EMCN: variants seen among roughly 807,000 people sequenced by gnomAD.
The protein encoded by EMCN is endomucin.
In EMCN, 37 loss-of-function variants were observed where a neutral mutation model predicts 38.4. That is an observed-to-expected ratio of 0.96 (90% CI 0.74 to 1.27). The LOEUF is 1.27. Among genes scored for constraint, EMCN ranks in the 50% most tolerant of loss-of-function variants. EMCN has a pLI of 0.00. For synonymous variants in EMCN, 95 were observed against 100.8 expected (o/e 0.94, Z 0.35); for missense variants, 318 against 302.8 (o/e 1.05, Z -0.37).
chr4:100,459,854 A>G lies in EMCN; in HGVS notation c.376+5569T>C, dbSNP rs192694935. Among the ~76,000 whole-genome samples the G allele has an allele frequency of 3.0e-4, 45 of 152,282 alleles. No individual in the cohort carries two copies. The East Asian group carries it at 7.9e-3, about 27-fold the overall frequency. On this transcript the variant is annotated intron_variant, in intron 4 of 11. Coordinates refer to ENST00000296420, the MANE Select transcript of EMCN (RefSeq NM_016242.4). ...TAATGGACACTTAGGTTGATTCCAT[A>G]TCTTGTCTATTGTGAATATTGCTGT...
rs1560631485 is a variant in EMCN, at chr4:100,475,659, C to CTG, written c.188-551_188-550insCA. On this transcript the variant is annotated intron_variant, in intron 2 of 11. Transcript: ENST00000296420. ...TTGAGGGCAGTATCCAATTCTAGTC[C>CTG]TTTTTTTTTTTTTTTTTTTTTTTTT... Among the ~76,000 whole-genome samples, 19 of 60,318 alleles carry CTG rather than the reference C, an allele frequency of 3.1e-4. 3 individuals are homozygous for CTG. The highest frequency in any genetic ancestry group is 1.8e-3 in the East Asian group (2 of 1,082). The allele number at this position is 60,318 out of a possible 152,430, so 39.6% of individuals were successfully genotyped here.
chr4:100,490,681 G>A (rs1001138829), intron 1 of EMCN, among the ~76,000 whole-genome samples: 1 of 152,130 alleles, frequency 6.6e-6, no homozygotes, highest in African/African-American at 2.4e-5. Flanking sequence ...ATACCATAAG[G>A]CCTAGGTGTG....
At chr4:100,445,788 C>T (rs1302577754) in intron 5 of EMCN, among the ~76,000 whole-genome samples, 1 of 151,974 alleles carries the variant, frequency 6.6e-6, no homozygotes, top group African/African-American at 2.4e-5. Context: ...GATGGTGTTT[C>T]CTGATTTAGT....
intron 1 of EMCN, among the ~76,000 whole-genome samples, chr4:100,506,090 G>GT (rs1378529175): frequency 6.6e-6 from 1 of 152,038 alleles, no homozygotes; most frequent in Non-Finnish European, 1.5e-5. Flanking sequence ...TGGTTTCTAT[G>GT]TTTTTTAAAT....
At chr4:100,405,872 G>A (rs1726378087) in intron 11 of EMCN, among the ~76,000 whole-genome samples, 1 of 151,518 alleles carries the variant, frequency 6.6e-6, no homozygotes, top group Admixed American at 6.6e-5. Flanking sequence ...CTGGTTGGTA[G>A]GGTTTTTTTA....
In EMCN at chr4:100,398,200, A is replaced by G. The variant is rs2110201390; in HGVS notation, c.*213T>C. The G allele has an allele frequency of 6.6e-6, 1 of 152,222 alleles. No homozygotes were observed. Among genetic ancestry groups the G allele is most frequent in the African/African-American group, 2.4e-5 (1 of 41,552 alleles). 9.4% of individuals were successfully genotyped at this position (152,222 alleles called of 1,614,324 possible). On this transcript the variant is annotated 3_prime_UTR_variant, in exon 12 of 12. Transcript: ENST00000296420. ...GTAATGGAATTTTTAAATGTGAGAG[A>G]ACAGGAGAGCCCCGGGGTTCTTTTT...
At chr4:100,418,444 T>C (rs1194535683) in intron 8 of EMCN, among the ~76,000 whole-genome samples, 1 of 152,158 alleles carries the variant, frequency 6.6e-6, no homozygotes, top group Non-Finnish European at 1.5e-5. Flanking sequence ...ATCATTAAGT[T>C]TATTATTGAC....
At chr4:100,475,498 A>G (rs978790764) in intron 2 of EMCN, among the ~76,000 whole-genome samples, 2 of 150,814 alleles carry the variant, frequency 1.3e-5, no homozygotes, top group African/African-American at 2.4e-5. Context: ...TAGGAGTATC[A>G]TGCCTTTTTT....
At chr4:100,508,556 G>A (rs971880601) in intron 1 of EMCN, among the ~76,000 whole-genome samples, 1 of 152,088 alleles carries the variant, frequency 6.6e-6, no homozygotes, top group Non-Finnish European at 1.5e-5. Flanking sequence ...TTTTGCTTCT[G>A]CACAAGATTA....
chr4:100,441,978 GTTTATAC>G (rs1560616301), intron 5 of EMCN, among the ~76,000 whole-genome samples: 2 of 152,216 alleles, frequency 1.3e-5, no homozygotes, highest in African/African-American at 4.8e-5. Context: ...TCTTCAGTGA[GTTTATAC>G]TTTATAGATA....
At chr4:100,401,324 A>G (rs962795658) in intron 11 of EMCN, among the ~76,000 whole-genome samples, 9 of 152,204 alleles carry the variant, frequency 5.9e-5, no homozygotes, top group African/African-American at 2.2e-4. Context: ...TAGTATAACA[A>G]CTATTTATAT....
intron 1 of EMCN, among the ~76,000 whole-genome samples, chr4:100,500,206 G>A (rs913460892): frequency 6.6e-6 from 1 of 152,086 alleles, no homozygotes; most frequent in African/African-American, 2.4e-5. Flanking sequence ...AATACATTCA[G>A]TCTCTTTTAA....
intron 1 of EMCN, among the ~76,000 whole-genome samples, chr4:100,490,896 T>C (rs1387814422): frequency 6.6e-6 from 1 of 152,218 alleles, no homozygotes; most frequent in African/African-American, 2.4e-5. Flanking sequence ...GATTTTAATT[T>C]GCATTTTCCC....
In EMCN at chr4:100,396,552, T is replaced by G. The variant is rs1181761209; in HGVS notation, c.*1861A>C. Reference sequence around the variant, plus strand: ...TTTCTTTTTTTTCCTTTTTTTTTTTTTTTTTTTTGAGACAGAGTCTTGCTG... The same window carrying G: ...TTTCTTTTTTTTCCTTTTTTTTTTTGTTTTTTTTGAGACAGAGTCTTGCTG... On this transcript the variant is annotated 3_prime_UTR_variant, in exon 12 of 12. Coordinates refer to ENST00000296420, the MANE Select transcript of EMCN (RefSeq NM_016242.4). 4 of 142,714 alleles carry G rather than the reference T, an allele frequency of 2.8e-5. No individual in the cohort carries two copies. The highest frequency in any genetic ancestry group is 6.1e-5 in the Non-Finnish European group (4 of 65,986). The allele number at this position is 142,714 out of a possible 1,614,324, so 8.8% of individuals were successfully genotyped here.
chr4:100,492,262 A>G (rs1729101662), intron 1 of EMCN, among the ~76,000 whole-genome samples: 1 of 152,186 alleles, frequency 6.6e-6, no homozygotes, highest in African/African-American at 2.4e-5. Context: ...TAAAGAATAC[A>G]ATGACTAAAC....
intron 1 of EMCN, among the ~76,000 whole-genome samples, chr4:100,485,341 T>C (rs1578225644): frequency 6.6e-6 from 1 of 152,244 alleles, no homozygotes; most frequent in African/African-American, 2.4e-5. Flanking sequence ...AGTTTTTCAG[T>C]TATGATTTTG....
chr4:100,462,272 A>AT (rs1450341335), intron 4 of EMCN, among the ~76,000 whole-genome samples: 3 of 152,110 alleles, frequency 2.0e-5, no homozygotes, highest in Admixed American at 6.6e-5. Context: ...GCTTTGATGT[A>AT]TTTTTTAAAC....
intron 5 of EMCN, among the ~76,000 whole-genome samples, chr4:100,437,460 T>TA (rs34309945): frequency 0.097 from 14,566 of 149,992 alleles, 756 homozygotes; most frequent in African/African-American, 0.11. Flanking sequence ...TGGTCTGATA[T>TA]AAAAAAAAAA....
In EMCN at chr4:100,488,833, GAAAGACTAGTTAT is replaced by G. The variant is rs1436927470; in HGVS notation, c.65-8807_65-8795del. Reference sequence around the variant, plus strand: ...AAATACTCCTTAGTTTGTATCAACTGAAAGACTAGTTATAAAGGGGTAAAATTTTAAAAGTTAT... The same window carrying G: ...AAATACTCCTTAGTTTGTATCAACTGAAAGGGGTAAAATTTTAAAAGTTAT... On this transcript the variant is annotated intron_variant, in intron 1 of 11. Coordinates refer to ENST00000296420, the MANE Select transcript of EMCN (RefSeq NM_016242.4). Among the ~76,000 whole-genome samples, 3 of 152,192 alleles carry G rather than the reference GAAAGACTAGTTAT, an allele frequency of 2.0e-5. No homozygotes were observed. In the South Asian group the frequency reaches 6.2e-4, roughly 32 times the overall value.
Sources: allele counts gnomAD v4.1 joint callset (sites outside exome capture counted in the v4.1 genomes callset), GRCh38; gene constraint gnomAD v4.1.1; transcripts MANE v1.5; gene names NCBI Gene and HGNC (gene_info 2026-07-23, HGNC 2026-07-21).